The following NUMBL variants were observed in gnomAD, a reference collection of about 807,000 sequenced individuals.
NUMBL encodes the protein numb-like protein.
A neutral mutation model predicts 48.9 loss-of-function variants in NUMBL; 20 were observed. The observed-to-expected ratio is 0.41, with a 90% CI of 0.29 to 0.59. The LOEUF is 0.59. NUMBL is among the 20% of genes least tolerant of loss of function. The pLI is 0.31. For synonymous variants in NUMBL, 340 were observed against 348.7 expected (o/e 0.98, Z 0.28); for missense variants, 660 against 846.2 (o/e 0.78, Z 2.73).
chr19:40,666,437 GC>G lies in NUMBL; in HGVS notation c.*1030del, dbSNP rs1351769520. ...TTACAGGCGTGAGCCACTGTGCCCA[GC>G]CAGCAGTTCATAATATTTGTTTTTT... On this transcript the variant is annotated 3_prime_UTR_variant, in exon 10 of 10. Transcript: ENST00000252891. 2 of 152,262 alleles carry G rather than the reference GC, an allele frequency of 1.3e-5. No homozygotes were observed. The highest frequency in any genetic ancestry group is 4.8e-5 in the African/African-American group (2 of 41,450). 9.4% of individuals were successfully genotyped at this position (152,262 alleles called of 1,614,324 possible).
rs1272978224 is a variant in NUMBL, at chr19:40,682,916, T to C, written c.302A>G (p.Asp101Gly). Residue 101 changes from aspartate (D) to glycine (G), a missense_variant, in exon 4 of 10, where the codon GAT (aspartate) becomes GGT (glycine). By Grantham distance (94) the Asp-to-Gly change is moderately conservative. Coordinates refer to ENST00000252891, the MANE Select transcript of NUMBL (RefSeq NM_004756.5). The surrounding 1 kb of genome is among the most constrained non-coding windows in gnomAD (Gnocchi z 4.0). ...CACCGCCTTCAGCTTCTTCACCGCA[T>C]CTTCACACACGTGCATTCCCCGGGA... Reference protein sequence around the residue: ...EESRGMHVCEDAVKKLKAMGR... With the variant: ...EESRGMHVCEGAVKKLKAMGR... The C allele has an allele frequency of 6.2e-7, 1 of 1,613,436 alleles. No homozygotes were observed. The highest frequency in any genetic ancestry group is 2.2e-5 in the East Asian group (1 of 44,826).
Position 40,687,070 on chromosome 19 carries a change from G to T in NUMBL, c.25-75C>A. ...CAGTCTGATACTTCACCCCGACTTT[G>T]GACTTCGGCCAGCCCCCTCCATCTT... On this transcript the variant is annotated intron_variant, in intron 1 of 9. Coordinates refer to ENST00000252891, the MANE Select transcript of NUMBL (RefSeq NM_004756.5). This position sits in a 1 kb window ranked among gnomAD's most constrained non-coding sequence, Gnocchi z 4.6. 1.1e-6 allele frequency: 1 copy of T among 903,922 alleles called. No individual in the cohort carries two copies. The highest frequency in any genetic ancestry group is 1.6e-6 in the Non-Finnish European group (1 of 614,886). The allele number at this position is 903,922 out of a possible 1,614,324, so 56.0% of individuals were successfully genotyped here. A position where few individuals can be genotyped will look rare whatever the true frequency, so the allele number is the denominator to read the frequency against.
At chr19:40,683,103 C>G in intron 3 of NUMBL, 135 bp from the exon 4 acceptor site, 1 of 787,512 alleles carries the variant, frequency 1.3e-6, no homozygotes, top group Non-Finnish European at 2.1e-6. Flanking sequence ...TATTCTGCAT[C>G]TCAACTCTAC....
At position 40,684,452 on chromosome 19, in the gene NUMBL, C is replaced by A; in HGVS notation, c.214G>T (p.Ala72Ser). 6.3e-7 allele frequency: 1 copy of A among 1,581,666 alleles called. No homozygotes were observed. Among genetic ancestry groups the A allele is most frequent in the East Asian group, 2.3e-5 (1 of 43,070 alleles). Residue 72 changes from alanine (A) to serine (S), a missense_variant, in exon 3 of 10, where the codon GCG becomes TCG. Ala to Ser is a moderately conservative substitution (Grantham distance 99). Coordinates refer to ENST00000252891, the MANE Select transcript of NUMBL (RefSeq NM_004756.5). ...RPHQWQADED[A>S]VRKGTCSFPV... is the part of the protein sequence containing the mutation. ...AAGCTGCACGTGCCCTTCCGCACCGCGTCCTCGTCTGCCTGCCACTGGTGC... is the reference window on the plus strand; with the variant it reads ...AAGCTGCACGTGCCCTTCCGCACCGAGTCCTCGTCTGCCTGCCACTGGTGC...
In NUMBL at chr19:40,677,802, G is replaced by A. The variant is rs2081885392; in HGVS notation, c.541-381C>T. The stretch of plus-strand genomic sequence containing the variant: ...GGTCAAGGCTGCAAGCAGCTATGAT[G>A]GGGCAACTGCACTCCAGCTTGGGTG... On this transcript the variant is annotated intron_variant, in intron 6 of 9. Transcript: ENST00000252891. Among the ~76,000 whole-genome samples the A allele has an allele frequency of 2.0e-5, 3 of 152,072 alleles. No homozygotes were observed. In the South Asian group the frequency reaches 6.2e-4, roughly 32 times the overall value.
rs1555753691 is a variant in NUMBL at position 40,682,985 on chromosome 19, T to TGGA, written c.250-18_250-17insTCC. On this transcript the variant is annotated splice_polypyrimidine_tract_variant and intron_variant, in intron 3 of 9. Transcript: ENST00000252891. This position sits in a 1 kb window ranked among gnomAD's most constrained non-coding sequence, Gnocchi z 4.0. ...ACCCAGGTACTTGGGTTGGAGGGAATGGGGGGGGGGACATGAAACAGCACA... is the reference window on the plus strand; with the variant it reads ...ACCCAGGTACTTGGGTTGGAGGGAATGGAGGGGGGGGGGACATGAAACAGCACA... 2.8e-6 allele frequency: 4 copies of TGGA among 1,444,114 alleles called. No homozygotes were observed. In the South Asian group the frequency reaches 4.9e-5, roughly 18 times the overall value. 89.5% of individuals were successfully genotyped at this position (1,444,114 alleles called of 1,614,324 possible). A position where few individuals can be genotyped will look rare whatever the true frequency, so the allele number is the denominator to read the frequency against.
chr19:40,683,080 G>T, intron 3 of NUMBL, 112 bp from the exon 4 acceptor site: 8 of 929,632 alleles, frequency 8.6e-6, no homozygotes, highest in Non-Finnish European at 1.4e-5. Context: ...CACATGATGT[G>T]TATGCAATCA....
Position 40,682,942 on chromosome 19 carries a change from C to T in NUMBL, c.276G>A (p.Glu92=), listed in dbSNP as rs146512935. Residue 92 remains glutamate (E), a synonymous_variant, in exon 4 of 10, where the codon GAG becomes GAA. Transcript: ENST00000252891. This position sits in a 1 kb window ranked among gnomAD's most constrained non-coding sequence, Gnocchi z 4.0. ...CTTCACACACGTGCATTCCCCGGGA[C>T]TCCTCTACCTCCACGTGACCCAGGT... The part of the protein sequence containing the change: ...VRYLGHVEVE[E]SRGMHVCEDA... 3 of 1,613,794 alleles carry T rather than the reference C, an allele frequency of 1.9e-6. No homozygotes were observed. The highest frequency in any genetic ancestry group is 2.5e-6 in the Non-Finnish European group (3 of 1,180,018).
In NUMBL at chr19:40,690,512, G is replaced by A; in HGVS notation, c.-29C>T. ...GGGCCCGGGCGCCCCCGCCTCCCGC[G>A]GCCCTGGCTGGGCCTGGCTCCCCGA... On this transcript the variant is annotated 5_prime_UTR_variant, in exon 1 of 10. Coordinates refer to ENST00000252891, the MANE Select transcript of NUMBL (RefSeq NM_004756.5). The A allele has an allele frequency of 8.0e-7, 1 of 1,250,518 alleles. No individual in the cohort carries two copies. 77.5% of individuals were successfully genotyped at this position (1,250,518 alleles called of 1,614,324 possible).
At chr19:40,684,831 G>A in intron 2 of NUMBL, 3 of 442,080 alleles carry the variant, frequency 6.8e-6, no homozygotes, top group Non-Finnish European at 1.2e-5. Context: ...GGGGGGTATG[G>A]GGCACAGGCT....
rs2081816212 is a variant in NUMBL at position 40,667,466 on chromosome 19, G to A, written c.*2C>T. 6.2e-7 allele frequency: 1 copy of A among 1,602,940 alleles called. No homozygotes were observed. The highest frequency in any genetic ancestry group is 1.3e-5 in the African/African-American group (1 of 74,760). On this transcript the variant is annotated 3_prime_UTR_variant, in exon 10 of 10. Coordinates refer to ENST00000252891, the MANE Select transcript of NUMBL (RefSeq NM_004756.5). The surrounding 1 kb of genome is among the most constrained non-coding windows in gnomAD (Gnocchi z 6.1). ...ATGATGGAGTGGGTGGGGCGGCTCG[G>A]GCTACAGTTCAATCTCGAATGTCTT...
chr19:40,681,034 G>T lies in NUMBL; in HGVS notation c.423C>A (p.Ile141=), dbSNP rs1468597178. The T allele has an allele frequency of 6.2e-7, 1 of 1,614,190 alleles. No homozygotes were observed. Among genetic ancestry groups the T allele is most frequent in the Non-Finnish European group, 8.5e-7 (1 of 1,180,014 alleles). The change falls in exon 6 of 10, where the codon ATC becomes ATA. Residue 141 remains isoleucine, a synonymous_variant. Transcript: ENST00000252891. ...CAGGAGCACAAAAGGAGACCTTTTC[G>T]ATGGTCTGGTCGACCAGAAGATCCT... is the stretch of plus-strand genomic sequence containing the variant. ...KTKDLLVDQT[I]EKVSFCAPDR...
At chr19:40,690,059 A>G (rs2081956468) in intron 1 of NUMBL, 1 of 164,390 alleles carries the variant, frequency 6.1e-6, no homozygotes, top group Admixed American at 6.4e-5. Flanking sequence ...TGTTGTGCTG[A>G]GACCCCCTTA....
intron 1 of NUMBL, chr19:40,690,229 C>T (rs2081958058): frequency 8.2e-6 from 3 of 364,862 alleles, no homozygotes; most frequent in Non-Finnish European, 1.5e-5. Flanking sequence ...GGTCTGTGTC[C>T]AGGATCCCTA....
intron 5 of NUMBL, 27 bp from the exon 6 acceptor site, chr19:40,681,084 A>G: frequency 2.5e-6 from 4 of 1,612,590 alleles, no homozygotes; most frequent in Non-Finnish European, 3.4e-6. Flanking sequence ...AGGCCAGGAG[A>G]AGAGTGTGAA....
rs367547448 is a variant in NUMBL at position 40,684,518 on chromosome 19, G to A, written c.148C>T (p.Arg50Trp). Residue 50 changes from arginine to tryptophan, a missense_variant, in exon 3 of 10, where the codon CGG (arginine) becomes TGG (tryptophan). Physicochemically the swap from Arg to Trp is moderately radical, Grantham distance 101. Around this residue, in one of 3 missense-constraint regions of NUMBL, gnomAD observed 86 missense variants for 85.9 expected, o/e 1.00. Transcript: ENST00000252891. ...GGCACGTAGGCTGGCTTCCTCCGCC[G>A]CAGGCTCTGCCGTAACTTGTTCATG... ...GTMNKLRQSL[R>W]RRKPAYVPEA... The A allele has an allele frequency of 4.4e-6, 7 of 1,606,778 alleles. No homozygotes were observed. Among genetic ancestry groups the A allele is most frequent in the African/African-American group, 4.0e-5 (3 of 74,814 alleles).
chr19:40,689,275 CCA>C (rs1180877891), intron 1 of NUMBL, among the ~76,000 whole-genome samples: 1 of 152,178 alleles, frequency 6.6e-6, no homozygotes, highest in East Asian at 1.9e-4. Flanking sequence ...TCACAGACAA[CCA>C]CAGTCACAAC....
intron 3 of NUMBL, 172 bp from the exon 4 acceptor site, chr19:40,683,140 G>T (rs750912151): frequency 3.0e-6 from 2 of 663,138 alleles, no homozygotes; most frequent in Non-Finnish European, 5.4e-6. Flanking sequence ...TCCTGGTCTA[G>T]ACATGCAGAT....
Position 40,688,605 on chromosome 19 carries a change from C to T in NUMBL, c.25-1610G>A, listed in dbSNP as rs1017388036. Among the ~76,000 whole-genome samples the T allele has an allele frequency of 6.6e-6, 1 of 152,156 alleles. No individual in the cohort carries two copies. Among genetic ancestry groups the T allele is most frequent in the African/African-American group, 2.4e-5 (1 of 41,422 alleles). ...CACAGCTACAGACCCCACACTCTCACAGATGATGACATAGACACAGACATC... is the reference window on the plus strand; with the variant it reads ...CACAGCTACAGACCCCACACTCTCATAGATGATGACATAGACACAGACATC... On this transcript the variant is annotated intron_variant, in intron 1 of 9. Coordinates refer to ENST00000252891, the MANE Select transcript of NUMBL (RefSeq NM_004756.5). The surrounding 1 kb of genome is among the most constrained non-coding windows in gnomAD (Gnocchi z 4.6).
Sources: allele counts gnomAD v4.1 joint callset (sites outside exome capture counted in the v4.1 genomes callset), GRCh38; gene constraint gnomAD v4.1.1; regional missense constraint gnomAD v4.1.1; non-coding constraint Gnocchi (gnomAD v3.1); transcripts MANE v1.5; gene names NCBI Gene and HGNC (gene_info 2026-07-23, HGNC 2026-07-21).